FMN2: variants seen among roughly 807,000 people sequenced by gnomAD.
FMN2 encodes the protein formin-2.
In FMN2, 51 loss-of-function variants were observed where a neutral mutation model predicts 142.3. The ratio of observed to expected loss-of-function variants is 0.36; its 90% CI spans 0.29 to 0.45. The LOEUF (loss-of-function observed/expected upper bound fraction) is 0.45. FMN2 is among the 20% of genes least tolerant of loss of function. The probability of loss-of-function intolerance (pLI) is 1.00; values close to 1 mark genes in which losing one functional copy is unlikely to be tolerated. For synonymous variants in FMN2, 882 were observed against 869.8 expected, an observed-to-expected ratio of 1.01 and a Z score of -0.25; for missense variants, 1,936 against 2,122.8, an observed-to-expected ratio of 0.91 and a Z score of 1.73.
intron 15 of FMN2, among the ~76,000 whole-genome samples, chr1:240,408,370 GA>G (rs1399013501): frequency 1.3e-5 from 2 of 152,000 alleles, no homozygotes; most frequent in Non-Finnish European, 2.9e-5. Flanking sequence ...AAGGTAGAAT[GA>G]AAAAGGCAAT....
chr1:240,290,054 C>A (rs554508628), intron 7 of FMN2, among the ~76,000 whole-genome samples: 4 of 152,164 alleles, frequency 2.6e-5, no homozygotes, highest in Non-Finnish European at 5.9e-5. Context: ...AGGATAGACA[C>A]CTGCCTGCGC....
At chr1:240,430,858 C>T (rs181368663) in intron 15 of FMN2, among the ~76,000 whole-genome samples, 84 of 151,796 alleles carry the variant, frequency 5.5e-4, no homozygotes, top group African/African-American at 2.0e-3. Context: ...TTTATAATAA[C>T]TCTTGAAATC....
intron 7 of FMN2, among the ~76,000 whole-genome samples, chr1:240,273,576 C>A (rs890651444): frequency 3.9e-5 from 6 of 152,078 alleles, no homozygotes; most frequent in African/African-American, 1.4e-4. Context: ...GCTATGGTTG[C>A]TGTGTGCAGT....
intron 2 of FMN2, among the ~76,000 whole-genome samples, chr1:240,124,178 T>C (rs1662408399): frequency 6.6e-6 from 1 of 152,222 alleles, no homozygotes; most frequent in Non-Finnish European, 1.5e-5. Context: ...CAAATACCTC[T>C]TCAAGACCCT....
At chr1:240,177,833 T>C (rs745499237) in intron 2 of FMN2, 88 bp from the exon 3 acceptor site, 2 of 1,166,284 alleles carry the variant, frequency 1.7e-6, no homozygotes, top group Non-Finnish European at 2.3e-6. Flanking sequence ...GTAATTTACA[T>C]AGAAATGATT....
intron 6 of FMN2, among the ~76,000 whole-genome samples, chr1:240,252,636 G>A (rs962063579): frequency 7.7e-5 from 11 of 143,052 alleles, no homozygotes; most frequent in Admixed American, 3.5e-4. Context: ...TTATTCTGAC[G>A]GGGGGGGTGG....
intron 16 of FMN2, among the ~76,000 whole-genome samples, chr1:240,471,353 C>T (rs980684103): frequency 6.7e-6 from 1 of 149,672 alleles, no homozygotes; most frequent in Non-Finnish European, 1.5e-5. Context: ...GTAAGCATGG[C>T]ATGTAAATTT....
intron 16 of FMN2, among the ~76,000 whole-genome samples, chr1:240,440,663 AG>A (rs1488321779): frequency 6.6e-6 from 1 of 152,168 alleles, no homozygotes; most frequent in East Asian, 1.9e-4. Flanking sequence ...CTTTTAATAA[AG>A]GGCTAAGGAA....
chr1:240,393,171 ATT>A (rs61633161), intron 15 of FMN2, among the ~76,000 whole-genome samples: 79,673 of 149,826 alleles, frequency 0.53, 21,901 homozygotes, highest in African/African-American at 0.68. Context: ...AGATAAGTGT[ATT>A]TTTTTTTTTT....
intron 1 of FMN2, among the ~76,000 whole-genome samples, chr1:240,115,716 A>G (rs1353016958): frequency 6.6e-6 from 1 of 152,198 alleles, no homozygotes; most frequent in Non-Finnish European, 1.5e-5. Flanking sequence ...GCCTGGGAGA[A>G]AACATGGGTT....
intron 8 of FMN2, 146 bp downstream of exon 8, chr1:240,295,029 A>G (rs777601054): frequency 5.1e-5 from 31 of 609,270 alleles, no homozygotes; most frequent in Middle Eastern, 9.1e-4. Flanking sequence ...GTTTGTTACA[A>G]TACTTTCTAG....
chr1:240,301,545 T>C (rs536280871), intron 8 of FMN2, among the ~76,000 whole-genome samples: 227 of 152,090 alleles, frequency 1.5e-3, no homozygotes, highest in African/African-American at 5.3e-3. Flanking sequence ...TGAAAACACA[T>C]CTTTTCAGTG....
intron 5 of FMN2, among the ~76,000 whole-genome samples, chr1:240,209,198 G>A (rs1463613944): frequency 6.6e-6 from 1 of 151,408 alleles, no homozygotes; most frequent in Non-Finnish European, 1.5e-5. Flanking sequence ...ACTACTTCAA[G>A]TTTCCATTTC....
intron 4 of FMN2, 69 bp from the exon 5 acceptor site, chr1:240,206,730 C>A: frequency 6.6e-7 from 1 of 1,516,984 alleles, no homozygotes; most frequent in Non-Finnish European, 8.9e-7. Flanking sequence ...TATAATTTTG[C>A]TTAATTTTTT....
At chr1:240,148,371 G>C (rs200860736) in intron 2 of FMN2, among the ~76,000 whole-genome samples, 12 of 141,500 alleles carry the variant, frequency 8.5e-5, no homozygotes, top group South Asian at 2.1e-4. Flanking sequence ...CAGAGACAGA[G>C]AGAGAGAGAG....
rs1301469505 is a variant in FMN2 at position 240,230,593 on chromosome 1, A to G, written c.4065+19358A>G. ...TATGTATAGTTCTGTGTATTTTTCT[A>G]TATGGATTGTAATGTTGCCATTAAA... is the stretch of plus-strand genomic sequence containing the variant. On this transcript the variant is annotated intron_variant, in intron 6 of 17. Transcript: ENST00000319653. Among the ~76,000 whole-genome samples, 4 of 131,646 alleles carry G rather than the reference A, an allele frequency of 3.0e-5. 1 individual carries two copies. The highest frequency in any genetic ancestry group is 6.4e-5 in the Non-Finnish European group (4 of 62,874). The allele number at this position is 131,646 out of a possible 152,430, so 86.4% of individuals were successfully genotyped here. A position where few individuals can be genotyped will look rare whatever the true frequency, so the allele number is the denominator to read the frequency against.
At position 240,231,573 on chromosome 1, in the gene FMN2, A is replaced by G. The variant is rs909122877; in HGVS notation, c.4065+20338A>G. On this transcript the variant is annotated intron_variant, in intron 6 of 17. Transcript: ENST00000319653. Reference sequence around the variant, plus strand: ...AGCTTCTGAATAGTGATTTGAAGGCATAGAAATTTGAGGGCCTGAGGTGTT... The same window carrying G: ...AGCTTCTGAATAGTGATTTGAAGGCGTAGAAATTTGAGGGCCTGAGGTGTT... Among the ~76,000 whole-genome samples, 6 of 152,348 alleles carry G rather than the reference A, an allele frequency of 3.9e-5. No homozygotes were observed. The South Asian group carries it at 1.2e-3, about 32-fold the overall frequency.
In FMN2 at chr1:240,206,977, G is replaced by A. The variant is rs746206008; in HGVS notation, c.2165G>A (p.Cys722Tyr). The change falls in exon 5 of 18, where the codon TGT becomes TAT. Residue 722 changes from cysteine (C) to tyrosine (Y), a missense_variant. Cys to Tyr is a radical substitution (Grantham distance 194). Around this residue, in one of 8 missense-constraint regions of FMN2, gnomAD observed 478 missense variants for 462.8 expected, o/e 1.03. Transcript: ENST00000319653. ...ENGVTASGDV[C>Y]LEALRLEEKE... ...GGAGTGACAGCCTCAGGCGATGTCT[G>A]TCTCGAAGCTCTCAGGTTAGAAGAA... 6.2e-7 allele frequency: 1 copy of A among 1,614,156 alleles called. No individual in the cohort carries two copies. The highest frequency in any genetic ancestry group is 8.5e-7 in the Non-Finnish European group (1 of 1,180,016).
intron 15 of FMN2, among the ~76,000 whole-genome samples, chr1:240,408,925 C>G (rs1346815233): frequency 6.6e-6 from 1 of 152,144 alleles, no homozygotes; most frequent in Non-Finnish European, 1.5e-5. Context: ...TTTCTAATTT[C>G]TGTTGTTGTG....
Sources: allele counts gnomAD v4.1 joint callset (sites outside exome capture counted in the v4.1 genomes callset), GRCh38; gene constraint gnomAD v4.1.1; regional missense constraint gnomAD v4.1.1; transcripts MANE v1.5; gene names NCBI Gene and HGNC (gene_info 2026-07-23, HGNC 2026-07-21).